The following NSMF variants were observed in gnomAD, a reference collection of about 807,000 sequenced individuals.
NSMF encodes the protein nasal embryonic LHRH factor.
In NSMF, 31 loss-of-function variants were observed where a neutral mutation model predicts 71.0. That is an observed-to-expected ratio of 0.44 (90% CI 0.33 to 0.59). The LOEUF is 0.59. Among genes scored for constraint, NSMF ranks in the 20% least tolerant of loss-of-function variants. NSMF has a pLI of 0.04. For missense variants in NSMF, 673 were observed against 740.5 expected (o/e 0.91, Z 1.06); for synonymous variants, 345 against 287.1 (o/e 1.20, Z -2.04).
intron 3 of NSMF, 61 bp from the exon 4 acceptor site, chr9:137,456,547 C>A: frequency 8.4e-7 from 1 of 1,192,328 alleles, no homozygotes; most frequent in Non-Finnish European, 1.3e-6. Context: ...GCCTCTCCCT[C>A]CCTGTTGGGA....
rs890892297 is a variant in NSMF at position 137,453,068 on chromosome 9, T to C, written c.1035A>G (p.Pro345=). The change falls in exon 9 of 16, where the codon CCA becomes CCG. Residue 345 remains proline (P), a synonymous_variant. Transcript: ENST00000371475. This position sits in a 1 kb window ranked among gnomAD's most constrained non-coding sequence, Gnocchi z 4.5. ...AVACDTEGFV[P]PKVMLISSKV... ...GGCTGGGCCTCACCATGACCTTTGG[T>C]GGCACGAAGCCTTCGGTGTCGCAGG... 8.1e-6 allele frequency: 13 copies of C among 1,612,494 alleles called. No homozygotes were observed. Among genetic ancestry groups the C allele is most frequent in the African/African-American group, 1.3e-5 (1 of 75,006 alleles).
In NSMF at chr9:137,459,064, G is replaced by A. The variant is rs973917240; in HGVS notation, c.39C>T (p.Ser13=). 9 of 1,271,856 alleles carry A rather than the reference G, an allele frequency of 7.1e-6. No homozygotes were observed. Among genetic ancestry groups the A allele is most frequent in the African/African-American group, 1.6e-5 (1 of 64,316 alleles). The allele number at this position is 1,271,856 out of a possible 1,614,324, so 78.8% of individuals were successfully genotyped here. A position where few individuals can be genotyped will look rare whatever the true frequency, so the allele number is the denominator to read the frequency against. Residue 13 remains serine, a synonymous_variant, in exon 1 of 16, where the codon AGC becomes AGT. Transcript: ENST00000371475. ...AAASRRRALR[S]EAMSSVAAKV... ...TGGCCGCCACCGAGGACATGGCCTC[G>A]CTCCTCAGCGCCCTCCTCCTGGAGG...
intron 12 of NSMF, among the ~76,000 whole-genome samples, chr9:137,450,534 C>G (rs1830439703): frequency 8.2e-5 from 1 of 12,132 alleles, no homozygotes; most frequent in South Asian, 3.5e-3. Context: ...ATCTCCCCCA[C>G]CACACACCTC....
intron 6 of NSMF, chr9:137,454,775 G>A: frequency 7.1e-7 from 1 of 1,410,808 alleles, no homozygotes; most frequent in Non-Finnish European, 9.3e-7. Flanking sequence ...ATGTGGCAGA[G>A]GATCCAGCCT....
chr9:137,454,596 G>A (rs772412276), intron 6 of NSMF, 153 bp from the exon 7 acceptor site: 28 of 1,545,548 alleles, frequency 1.8e-5, no homozygotes, highest in African/African-American at 4.1e-5. Context: ...CCCACCCAAA[G>A]GCAAATCCCA....
At chr9:137,455,135 G>A (rs1376236756) in intron 6 of NSMF, 104 bp downstream of exon 6, 14 of 1,272,490 alleles carry the variant, frequency 1.1e-5, no homozygotes, top group Admixed American at 1.7e-5. Flanking sequence ...GCCAGTGGTC[G>A]CCACCACCCT....
rs560559408 is a variant in NSMF, at chr9:137,457,687, C to G, written c.348G>C (p.Ala116=). Residue 116 remains alanine, a synonymous_variant, in exon 3 of 16, where the codon GCG becomes GCC. Transcript: ENST00000371475. ...GEPALLPSPE[A]EAIELAVVKG... ...TCACCACCGCCAGCTCAATGGCCTCCGCCTCAGGGCTGGGCAGCAGGGCAG... is the reference window on the plus strand; with the variant it reads ...TCACCACCGCCAGCTCAATGGCCTCGGCCTCAGGGCTGGGCAGCAGGGCAG... The G allele has an allele frequency of 1.3e-5, 20 of 1,551,498 alleles. No individual in the cohort carries two copies. Among genetic ancestry groups the G allele is most frequent in the Middle Eastern group, 1.7e-4 (1 of 5,942 alleles).
In NSMF at chr9:137,449,492, C is replaced by G; in HGVS notation, c.1496-1G>C. 6.2e-7 allele frequency: 1 copy of G among 1,612,868 alleles called. No individual in the cohort carries two copies. Among genetic ancestry groups the G allele is most frequent in the South Asian group, 1.1e-5 (1 of 91,088 alleles). On this transcript the variant is annotated splice_acceptor_variant, in intron 15 of 15. Transcript: ENST00000371475. LOFTEE classifies it high-confidence loss of function. ...AAGTACGTCTCGATCATCTGCTTCC[C>G]TGGGCGGAGCGGGGGCAGGAGGCTC...
At chr9:137,457,367 C>T (rs1830886906) in intron 3 of NSMF, 40 bp downstream of exon 3, 2 of 1,612,480 alleles carry the variant, frequency 1.2e-6, no homozygotes, top group Non-Finnish European at 1.7e-6. Context: ...CAGCGGCATG[C>T]ACCCCCAAAC....
At chr9:137,458,406 C>G in intron 2 of NSMF, 82 bp downstream of exon 2, 1 of 1,276,798 alleles carries the variant, frequency 7.8e-7, no homozygotes, top group Non-Finnish European at 1.1e-6. Flanking sequence ...ATGCCCCTCA[C>G]GCTCCACCCC....
chr9:137,453,198 C>A lies in NSMF; in HGVS notation c.923-18G>T, dbSNP rs1830633377. The A allele has an allele frequency of 2.5e-6, 4 of 1,612,036 alleles. No homozygotes were observed. Among genetic ancestry groups the A allele is most frequent in the South Asian group, 1.1e-5 (1 of 91,060 alleles). ...GTCACTGCCTGGGAAGCAAGAGGGT[C>A]ACCAGGACAGCAGGCCCGGCAGCAC... On this transcript the variant is annotated intron_variant, in intron 8 of 15. Transcript: ENST00000371475. This position sits in a 1 kb window ranked among gnomAD's most constrained non-coding sequence, Gnocchi z 4.5.
At chr9:137,458,759 G>A (rs1831007209) in intron 1 of NSMF, among the ~76,000 whole-genome samples, 2 of 152,162 alleles carry the variant, frequency 1.3e-5, no homozygotes, top group South Asian at 2.1e-4. Flanking sequence ...GGACCGTGGA[G>A]AGGGGTCGCG....
At position 137,455,636 on chromosome 9, in the gene NSMF, T is replaced by C; in HGVS notation, c.705-2A>G. 3.2e-6 allele frequency: 5 copies of C among 1,550,402 alleles called. No individual in the cohort carries two copies. The highest frequency in any genetic ancestry group is 4.4e-6 in the Non-Finnish European group (5 of 1,146,902). On this transcript the variant is annotated splice_acceptor_variant, in intron 4 of 15. Transcript: ENST00000371475. LOFTEE classifies it high-confidence loss of function. ...AGTCATACAGGTACTTACGAGATGC[T>C]GAAGCCAGGGCCAGAAGGGATGGCG...
In NSMF at chr9:137,449,597, A is replaced by G; in HGVS notation, c.1495+2T>C. 3 of 1,612,110 alleles carry G rather than the reference A, an allele frequency of 1.9e-6. No homozygotes were observed. Among genetic ancestry groups the G allele is most frequent in the Non-Finnish European group, 2.5e-6 (3 of 1,179,608 alleles). ...AGCTTCGGCCCAGCCTGGGTAACTC[A>G]CCTTGGGCTGAGAGCTCCAGGGGTG... On this transcript the variant is annotated splice_donor_variant, in intron 15 of 15. Transcript: ENST00000371475. LOFTEE classifies it high-confidence loss of function.
intron 12 of NSMF, among the ~76,000 whole-genome samples, chr9:137,450,822 T>C (rs1192707614): frequency 7.0e-5 from 1 of 14,236 alleles, no homozygotes; most frequent in South Asian, 5.7e-3. Flanking sequence ...CTCCCCCCAA[T>C]GCCTCTTCCC....
In NSMF at chr9:137,449,388, T is replaced by C. The variant is rs553835521; in HGVS notation, c.*6A>G. On this transcript the variant is annotated 3_prime_UTR_variant, in exon 16 of 16. Coordinates refer to ENST00000371475, the MANE Select transcript of NSMF (RefSeq NM_001130969.3). The stretch of plus-strand genomic sequence containing the variant: ...CTGATGGTGACTGGGCGGAGGCCTC[T>C]GCCCCTCACAGGACGTCGTCAAAGT... 6.2e-7 allele frequency: 1 copy of C among 1,610,614 alleles called. No homozygotes were observed. The highest frequency in any genetic ancestry group is 1.1e-5 in the South Asian group (1 of 91,038).
At chr9:137,455,428 A>T (rs1042016031) in intron 5 of NSMF, 121 bp from the exon 6 acceptor site, 4 of 1,196,714 alleles carry the variant, frequency 3.3e-6, no homozygotes, top group Non-Finnish European at 4.9e-6. Flanking sequence ...CCGGCAGAGG[A>T]GTCCCAGCCT....
rs1400110769 is a variant in NSMF at position 137,454,423 on chromosome 9, C to G, written c.800G>C (p.Arg267Pro). ...CTTCACCCTCCGGCTGCCGACCATGCGCAGGTGTTTGCGGAAGTTCCTGGG... is the reference window on the plus strand; with the variant it reads ...CTTCACCCTCCGGCTGCCGACCATGGGCAGGTGTTTGCGGAAGTTCCTGGG... ...VIQRNFRKHLRMVGSRRVKAQ... is the reference protein window; with the variant it reads ...VIQRNFRKHLPMVGSRRVKAQ... The change falls in exon 7 of 16, where the codon CGC becomes CCC. Residue 267 changes from arginine (R) to proline (P), a missense_variant. Physicochemically the swap from Arg to Pro is moderately radical, Grantham distance 103. This residue lies in a region of NSMF where 471 missense variants were observed against 459.6 expected (regional missense o/e 1.02). Coordinates refer to ENST00000371475, the MANE Select transcript of NSMF (RefSeq NM_001130969.3). 2 of 1,550,250 alleles carry G rather than the reference C, an allele frequency of 1.3e-6. No homozygotes were observed. The highest frequency in any genetic ancestry group is 2.4e-5 in the East Asian group (1 of 40,902).
rs1588501799 is a variant in NSMF, at chr9:137,453,576, G to A, written c.922+155C>T. 7.7e-6 allele frequency: 5 copies of A among 650,596 alleles called. No homozygotes were observed. In the East Asian group the frequency reaches 1.1e-4, roughly 14 times the overall value. 40.3% of individuals were successfully genotyped at this position (650,596 alleles called of 1,614,324 possible). On this transcript the variant is annotated intron_variant, in intron 8 of 15. Transcript: ENST00000371475. This position sits in a 1 kb window ranked among gnomAD's most constrained non-coding sequence, Gnocchi z 4.5. ...GTTGTTAGCCCCGCCTTTGCGATCG[G>A]AGATGCTGAGGGCGTCCCCATCTCA...
Sources: gnomAD v4.1 joint callset for allele counts (sites outside exome capture counted in the v4.1 genomes callset) on GRCh38, gnomAD v4.1.1 for gene constraint, gnomAD v4.1.1 regional missense constraint, Gnocchi (gnomAD v3.1) non-coding constraint, MANE v1.5 for transcripts, NCBI Gene and HGNC (gene_info 2026-07-23, HGNC 2026-07-21) for gene names.